The following SGO2 variants were observed in gnomAD, a reference collection of about 807,000 sequenced individuals.
SGO2 encodes the protein shugoshin 2.
In SGO2, 68 loss-of-function variants were observed where a neutral mutation model predicts 99.5. The ratio of observed to expected loss-of-function variants is 0.68; its 90% CI spans 0.56 to 0.84. The LOEUF (loss-of-function observed/expected upper bound fraction) is 0.84, where lower values mean the gene tolerates loss of function less well. Among genes scored for constraint, SGO2 ranks in the 40% least tolerant of loss-of-function variants. SGO2 has a pLI of 0.00. For missense variants in SGO2, 1,350 were observed against 1,436.7 expected, an observed-to-expected ratio of 0.94 and a Z score of 0.97; for synonymous variants, 457 against 487.1, an observed-to-expected ratio of 0.94 and a Z score of 0.81.
In SGO2 at chr2:200,570,813, G is replaced by A. The variant is rs1335869728; in HGVS notation, c.704-237G>A. On this transcript the variant is annotated intron_variant, in intron 6 of 8. Transcript: ENST00000357799. The surrounding 1 kb of genome is among the most constrained non-coding windows in gnomAD (Gnocchi z 4.4). The stretch of plus-strand genomic sequence containing the variant: ...TACTCCACTCTACTGTTGGGGCTGA[G>A]GCAGAATTCTCAGTATATATTTTCT... 5.9e-5 allele frequency among the ~76,000 whole-genome samples: 9 copies of A among 151,856 alleles called. No individual in the cohort carries two copies. In the East Asian group the frequency reaches 1.5e-3, roughly 26 times the overall value.
chr2:200,575,157 G>C (rs1318277801), intron 7 of SGO2, among the ~76,000 whole-genome samples, 154 bp from the exon 8 acceptor site: 1 of 152,058 alleles, frequency 6.6e-6, no homozygotes, highest in Non-Finnish European at 1.5e-5. Context: ...AGGCTACTTT[G>C]ACAGTTTGTT....
rs751640449 is a variant in SGO2, at chr2:200,575,552, T to A, written c.3782+91T>A. On this transcript the variant is annotated intron_variant, in intron 8 of 8. Transcript: ENST00000357799. ...ATTAGTATTTGAGCACTTCTGATAA[T>A]TCAATAAAATGTATATTATTGATAT... 3.1e-5 allele frequency: 28 copies of A among 889,848 alleles called. 1 individual carries two copies. Among genetic ancestry groups the A allele is most frequent in the Non-Finnish European group, 4.6e-5 (27 of 592,442 alleles). The allele number at this position is 889,848 out of a possible 1,614,324, so 55.1% of individuals were successfully genotyped here. A position where few individuals can be genotyped will look rare whatever the true frequency, so the allele number is the denominator to read the frequency against.
chr2:200,569,641 T>C (rs2106341358), intron 5 of SGO2, 22 bp from the exon 6 acceptor site: 1 of 1,547,040 alleles, frequency 6.5e-7, no homozygotes, highest in East Asian at 2.3e-5. Context: ...TAATTTCTCA[T>C]TTCCTTCCCA....
intron 4 of SGO2, among the ~76,000 whole-genome samples, chr2:200,541,743 C>G (rs561001325): frequency 3.3e-5 from 5 of 152,304 alleles, no homozygotes; most frequent in African/African-American, 7.2e-5. Context: ...TCTGATGGTA[C>G]TGCTGATTTG....
chr2:200,581,289 T>C (rs2033836731), intron 8 of SGO2, among the ~76,000 whole-genome samples: 1 of 152,164 alleles, frequency 6.6e-6, no homozygotes, highest in Non-Finnish European at 1.5e-5. Flanking sequence ...GTGATCTGTT[T>C]TGTACTAAGG....
rs1559220439 is a variant in SGO2, at chr2:200,575,320, C to G, written c.3641C>G (p.Pro1214Arg). 2 of 1,565,612 alleles carry G rather than the reference C, an allele frequency of 1.3e-6. No individual in the cohort carries two copies. The highest frequency in any genetic ancestry group is 1.7e-6 in the Non-Finnish European group (2 of 1,151,898). ...TAATATTCTTTTTCAGGTGATAGACCATTACAGGACTTGTCAAATACCAGT... is the reference window on the plus strand; with the variant it reads ...TAATATTCTTTTTCAGGTGATAGACGATTACAGGACTTGTCAAATACCAGT... ...RTQKSGIGDR[P>R]LQDLSNTSFV... The change falls in exon 8 of 9, where the codon CCA becomes CGA. Residue 1214 changes from proline to arginine, a missense_variant. Transcript: ENST00000357799.
At chr2:200,561,111 T>A (rs976821950) in intron 5 of SGO2, among the ~76,000 whole-genome samples, 2 of 152,324 alleles carry the variant, frequency 1.3e-5, no homozygotes, top group East Asian at 3.9e-4. Context: ...TTGTTACATA[T>A]GTATACATCT....
chr2:200,551,322 A>C (rs958269688), intron 5 of SGO2, among the ~76,000 whole-genome samples: 3 of 152,180 alleles, frequency 2.0e-5, no homozygotes, highest in Non-Finnish European at 4.4e-5. Flanking sequence ...TGTTATTTGC[A>C]GCAACATGGA....
intron 5 of SGO2, among the ~76,000 whole-genome samples, chr2:200,545,048 C>T (rs1195473627): frequency 6.6e-6 from 1 of 152,010 alleles, no homozygotes; most frequent in Admixed American, 6.5e-5. Context: ...ACTTTGTCAC[C>T]CAGCCTGGAG....
Position 200,553,197 on chromosome 2 carries a change from T to G in SGO2, c.473+10533T>G, listed in dbSNP as rs369604183. On this transcript the variant is annotated intron_variant, in intron 5 of 8. Coordinates refer to ENST00000357799, the MANE Select transcript of SGO2 (RefSeq NM_152524.6). ...AATAAGTGCACCATTTCGGAAAACATTAAGGAAGCCCATACTGCATTCCTA... is the reference window on the plus strand; with the variant it reads ...AATAAGTGCACCATTTCGGAAAACAGTAAGGAAGCCCATACTGCATTCCTA... Among the ~76,000 whole-genome samples the G allele has an allele frequency of 2.0e-3, 306 of 152,238 alleles. 1 individual carries two copies. The highest frequency in any genetic ancestry group is 6.9e-3 in the African/African-American group (288 of 41,524).
chr2:200,538,461 T>G (rs1030877546), intron 4 of SGO2, among the ~76,000 whole-genome samples: 1 of 152,174 alleles, frequency 6.6e-6, no homozygotes, highest in African/African-American at 2.4e-5. Flanking sequence ...ACATTTCATA[T>G]CCTGCTTTTC....
At chr2:200,576,923 A>G (rs1252054798) in intron 8 of SGO2, among the ~76,000 whole-genome samples, 1 of 151,808 alleles carries the variant, frequency 6.6e-6, no homozygotes, top group Non-Finnish European at 1.5e-5. Context: ...GATGTACCAC[A>G]TTTTGTTCAT....
chr2:200,583,047 T>A (rs375227025), intron 8 of SGO2, among the ~76,000 whole-genome samples: 116 of 151,978 alleles, frequency 7.6e-4, no homozygotes, highest in African/African-American at 2.7e-3. Flanking sequence ...GAGGAGAGGG[T>A]TGTGATCAGA....
chr2:200,570,941 T>C lies in SGO2; in HGVS notation c.704-109T>C. 1 of 989,280 alleles carries C rather than the reference T, an allele frequency of 1.0e-6. No individual in the cohort carries two copies. The highest frequency in any genetic ancestry group is 1.5e-6 in the Non-Finnish European group (1 of 685,850). 61.3% of individuals were successfully genotyped at this position (989,280 alleles called of 1,614,324 possible). A position where few individuals can be genotyped will look rare whatever the true frequency, so the allele number is the denominator to read the frequency against. ...AATATTAGGATCTGATCAGAACACA[T>C]TGTCAGAAATTATATCTGTGAAACA... is the stretch of plus-strand genomic sequence containing the variant. On this transcript the variant is annotated intron_variant, in intron 6 of 8. Transcript: ENST00000357799. The surrounding 1 kb of genome is among the most constrained non-coding windows in gnomAD (Gnocchi z 4.4).
chr2:200,529,935 A>C (rs1462695485), intron 1 of SGO2, among the ~76,000 whole-genome samples: 1 of 152,242 alleles, frequency 6.6e-6, no homozygotes, highest in East Asian at 1.9e-4. Flanking sequence ...GTTTCTAAAC[A>C]GCATTTATTC....
chr2:200,527,768 A>T (rs1018389842), intron 1 of SGO2, among the ~76,000 whole-genome samples: 1 of 152,256 alleles, frequency 6.6e-6, no homozygotes. Flanking sequence ...ACAAAAGTTT[A>T]TGCCCTCATT....
At chr2:200,575,605 G>A in intron 8 of SGO2, 144 bp downstream of exon 8, 4 of 578,434 alleles carry the variant, frequency 6.9e-6, no homozygotes, top group Non-Finnish European at 1.2e-5. Context: ...ATTTGGGTAA[G>A]AGTTGAAGAA....
In SGO2 at chr2:200,570,558, CAT is replaced by C. The variant is rs762310310; in HGVS notation, c.704-485_704-484del. Among the ~76,000 whole-genome samples, 45 of 139,862 alleles carry C rather than the reference CAT, an allele frequency of 3.2e-4. No individual in the cohort carries two copies. The highest frequency in any genetic ancestry group is 8.6e-4 in the Admixed American group (12 of 13,914). 91.8% of individuals were successfully genotyped at this position (139,862 alleles called of 152,430 possible). On this transcript the variant is annotated intron_variant, in intron 6 of 8. Transcript: ENST00000357799. This position sits in a 1 kb window ranked among gnomAD's most constrained non-coding sequence, Gnocchi z 4.4. ...ATATACACACACACATATATACACA[CAT>C]ATATATGGTATACATATAATGTATA...
At chr2:200,569,602 A>C in intron 5 of SGO2, 61 bp from the exon 6 acceptor site, 1 of 1,242,896 alleles carries the variant, frequency 8.0e-7, no homozygotes, top group Non-Finnish European at 1.1e-6. Context: ...ATAACTGCCC[A>C]TGCATTTAAA....
Sources: gnomAD v4.1 joint callset for allele counts (sites outside exome capture counted in the v4.1 genomes callset) on GRCh38, gnomAD v4.1.1 for gene constraint, Gnocchi (gnomAD v3.1) non-coding constraint, MANE v1.5 for transcripts, NCBI Gene and HGNC (gene_info 2026-07-23, HGNC 2026-07-21) for gene names.